Variants in APP observed in about 807,000 individuals in gnomAD.
APP encodes the protein amyloid-beta precursor protein.
A neutral mutation model predicts 101.4 loss-of-function variants in APP; 31 were observed. The ratio of observed to expected loss-of-function variants is 0.31; its 90% CI spans 0.23 to 0.41. APP has a LOEUF of 0.41. Among genes scored for constraint, APP ranks in the 10% least tolerant of loss-of-function variants. APP has a pLI of 1.00. For synonymous variants in APP, 366 were observed against 364.4 expected (o/e 1.00, Z -0.05); for missense variants, 839 against 1,003.7 (o/e 0.84, Z 2.22).
At chr21:26,145,277 G>A (rs553034162) in intron 1 of APP, among the ~76,000 whole-genome samples, 33 of 152,280 alleles carry the variant, frequency 2.2e-4, no homozygotes, top group African/African-American at 7.7e-4. Flanking sequence ...TTTTGTGGAA[G>A]ACCATTTATC....
chr21:25,918,525 C>T (rs1002637673), intron 13 of APP, among the ~76,000 whole-genome samples: 42 of 152,128 alleles, frequency 2.8e-4, no homozygotes, highest in African/African-American at 9.4e-4. Context: ...TGGGTGCGTG[C>T]ACCGTGCGCG....
intron 6 of APP, among the ~76,000 whole-genome samples, chr21:26,014,613 A>G (rs923311806): frequency 9.2e-5 from 14 of 152,196 alleles, no homozygotes; most frequent in Non-Finnish European, 1.5e-4. Flanking sequence ...AGGACAATGC[A>G]GATATGGCTA....
chr21:26,026,138 T>C (rs1405590820), intron 5 of APP, among the ~76,000 whole-genome samples: 3 of 152,212 alleles, frequency 2.0e-5, no homozygotes, highest in Admixed American at 1.3e-4. Context: ...CTGAGCATCA[T>C]AAAACAATTT....
chr21:26,100,560 T>G (rs942193220), intron 2 of APP, among the ~76,000 whole-genome samples: 3 of 152,226 alleles, frequency 2.0e-5, no homozygotes, highest in Non-Finnish European at 4.4e-5. Flanking sequence ...AATTTTAATT[T>G]CATACAACTG....
At chr21:25,974,750 C>T (rs183397798) in intron 11 of APP, among the ~76,000 whole-genome samples, 219 of 152,186 alleles carry the variant, frequency 1.4e-3, no homozygotes, top group African/African-American at 5.1e-3. Flanking sequence ...CTTTTGTGTT[C>T]GAACTTGAAC....
rs369054886 is a variant in APP, at chr21:26,169,674, G to C, written c.57+890C>G. Among the ~76,000 whole-genome samples, 179 of 152,370 alleles carry C rather than the reference G, an allele frequency of 1.2e-3. 4 individuals carry two copies. In the East Asian group the frequency reaches 0.033, roughly 28 times the overall value. On this transcript the variant is annotated intron_variant, in intron 1 of 17. Transcript: ENST00000346798. ...CTCCCAGGCGGACGCGCAGCCCCGG[G>C]AAGGGAGCCGGGCGGGAGCCTCGGT... is the stretch of plus-strand genomic sequence containing the variant.
chr21:25,892,989 G>A (rs996702349), intron 16 of APP, among the ~76,000 whole-genome samples: 7 of 150,762 alleles, frequency 4.6e-5, no homozygotes, highest in African/African-American at 1.5e-4. Flanking sequence ...ACCCTGCATC[G>A]AACAAGTCTA....
intron 3 of APP, among the ~76,000 whole-genome samples, chr21:26,085,765 A>T (rs1242421665): frequency 1.3e-5 from 2 of 152,246 alleles, no homozygotes; most frequent in Non-Finnish European, 2.9e-5. Flanking sequence ...AAAGGCAGCC[A>T]AGAAACCCAG....
intron 1 of APP, among the ~76,000 whole-genome samples, chr21:26,160,915 T>C (rs1000214543): frequency 2.6e-5 from 4 of 152,212 alleles, no homozygotes; most frequent in African/African-American, 7.2e-5. Context: ...GTATTGACAG[T>C]ATTTATGAAA....
At chr21:26,095,849 T>C (rs368077145) in intron 2 of APP, among the ~76,000 whole-genome samples, 2 of 152,238 alleles carry the variant, frequency 1.3e-5, no homozygotes, top group Non-Finnish European at 2.9e-5. Context: ...CAGCAAACAT[T>C]AGCAAATCCT....
chr21:26,053,993 T>C (rs1389333696), intron 3 of APP, among the ~76,000 whole-genome samples: 8 of 152,250 alleles, frequency 5.3e-5, no homozygotes, highest in Admixed American at 5.2e-4. Context: ...TTACATAAAG[T>C]CCTACATGAA....
At chr21:26,125,786 A>T (rs568971982) in intron 1 of APP, among the ~76,000 whole-genome samples, 1 of 152,334 alleles carries the variant, frequency 6.6e-6, no homozygotes, top group African/African-American at 2.4e-5. Context: ...TCAATCTGGC[A>T]GAGCAATTCA....
intron 11 of APP, among the ~76,000 whole-genome samples, chr21:25,971,859 CA>C (rs1217410959): frequency 2.0e-5 from 3 of 152,178 alleles, no homozygotes; most frequent in Admixed American, 2.0e-4. Flanking sequence ...TCCCACCTAA[CA>C]AATCTAAAAA....
intron 3 of APP, among the ~76,000 whole-genome samples, chr21:26,057,106 T>G: frequency 6.6e-6 from 1 of 152,206 alleles, no homozygotes; most frequent in East Asian, 1.9e-4. Flanking sequence ...TGCTGTGAAC[T>G]TCCACTGCTT....
chr21:26,054,627 T>C (rs868465336), intron 3 of APP, among the ~76,000 whole-genome samples: 1 of 141,138 alleles, frequency 7.1e-6, no homozygotes, highest in African/African-American at 2.6e-5. Context: ...AAAGTTTTTT[T>C]TTTTTTTTTT....
chr21:26,040,341 C>A (rs912103606), intron 5 of APP, among the ~76,000 whole-genome samples: 5 of 152,112 alleles, frequency 3.3e-5, no homozygotes, highest in Admixed American at 2.0e-4. Flanking sequence ...GTAGCTTATG[C>A]CTGTAATCCC....
chr21:26,009,434 G>A (rs2409164), intron 6 of APP, among the ~76,000 whole-genome samples: 152,326 of 152,332 alleles, frequency 1, 76,160 homozygotes, highest in Middle Eastern at 1. Flanking sequence ...TAAGACTATT[G>A]AAATACCAGA....
chr21:25,892,835 T>C (rs955295194), intron 16 of APP, among the ~76,000 whole-genome samples: 2 of 152,206 alleles, frequency 1.3e-5, no homozygotes, highest in African/African-American at 4.8e-5. Flanking sequence ...AAGGAGTTGA[T>C]CTTATGCCAG....
At chr21:25,976,162 T>C (rs1601088690) in intron 9 of APP, 134 bp from the exon 10 acceptor site, 3 of 676,676 alleles carry the variant, frequency 4.4e-6, no homozygotes, top group East Asian at 5.8e-5. Flanking sequence ...ACATACCCCT[T>C]CCTATCTGAA....
Sources: gnomAD v4.1 joint callset for allele counts (sites outside exome capture counted in the v4.1 genomes callset) on GRCh38, gnomAD v4.1.1 for gene constraint, MANE v1.5 for transcripts, NCBI Gene and HGNC (gene_info 2026-07-23, HGNC 2026-07-21) for gene names.